Variants in OCA2 observed in about 807,000 individuals in gnomAD.
The protein encoded by OCA2 is P protein.
OCA2 carries 77 observed loss-of-function variants against 100.2 expected under a neutral mutation model. The ratio of observed to expected loss-of-function variants is 0.77; its 90% confidence interval spans 0.64 to 0.93. The LOEUF is 0.93. OCA2 is among the 40% of genes least tolerant of loss of function. The pLI is 0.00. For synonymous variants in OCA2, 432 were observed against 439.2 expected (o/e 0.98, Z 0.21); for missense variants, 1,062 against 1,089.1 (o/e 0.98, Z 0.35).
the OCA2 span, among the ~76,000 whole-genome samples, chr15:27,742,073 CT>C: frequency 6.6e-6 from 1 of 152,216 alleles, no homozygotes; most frequent in Non-Finnish European, 1.5e-5. Context: ...ACTGTGGCAG[CT>C]ATGCCTTTGC....
intron 19 of OCA2, among the ~76,000 whole-genome samples, chr15:27,891,479 C>T (rs2037459531): frequency 1.3e-5 from 2 of 152,146 alleles, no homozygotes; most frequent in Non-Finnish European, 2.9e-5. Flanking sequence ...TCTGTGGATA[C>T]CAAACTCCAT....
chr15:27,806,143 G>A (rs1297891350), intron 23 of OCA2, among the ~76,000 whole-genome samples: 1 of 152,180 alleles, frequency 6.6e-6, no homozygotes, highest in Non-Finnish European at 1.5e-5. Flanking sequence ...GAAGGCGAGG[G>A]CTCTGATGCT....
At position 28,027,771 on chromosome 15, in the gene OCA2, T is replaced by C; in HGVS notation, c.515+100A>G. On this transcript the variant is annotated intron_variant, in intron 4 of 23. Coordinates refer to ENST00000354638, the MANE Select transcript of OCA2 (RefSeq NM_000275.3). The stretch of plus-strand genomic sequence containing the variant: ...GCCTGGCCAGATGAGACAAAACTCA[T>C]CCTCTTCTTCACGCTGCTGGTTTGA... 7 of 1,262,328 alleles carry C rather than the reference T, an allele frequency of 5.5e-6. No individual in the cohort carries two copies. The South Asian group carries it at 7.4e-5, about 13-fold the overall frequency. 78.2% of individuals were successfully genotyped at this position (1,262,328 alleles called of 1,614,324 possible).
chr15:27,840,033 A>G (rs2035289304), intron 23 of OCA2, among the ~76,000 whole-genome samples: 1 of 152,196 alleles, frequency 6.6e-6, no homozygotes, highest in Non-Finnish European at 1.5e-5. Flanking sequence ...AATAATGACA[A>G]TGGAAGCATT....
chr15:27,764,127 GGAGAGGGATCA>G (rs1595369121), intron 23 of OCA2, among the ~76,000 whole-genome samples: 2 of 151,716 alleles, frequency 1.3e-5, no homozygotes, highest in East Asian at 3.9e-4. Flanking sequence ...AAGGAAAAAG[GGAGAGGGATCA>G]GAGAGGGATA....
At chr15:28,067,374 C>A (rs2044057517) in intron 2 of OCA2, among the ~76,000 whole-genome samples, 1 of 151,580 alleles carries the variant, frequency 6.6e-6, no homozygotes, top group Non-Finnish European at 1.5e-5. Context: ...AAGTTCTTCT[C>A]TAATTATTTC....
chr15:27,773,251 T>G (rs530185549), intron 23 of OCA2, among the ~76,000 whole-genome samples: 157 of 152,130 alleles, frequency 1.0e-3, no homozygotes, highest in Non-Finnish European at 2.0e-3. Flanking sequence ...AGGTTTTGAG[T>G]TTTTTATTCC....
intron 6 of OCA2, among the ~76,000 whole-genome samples, chr15:28,020,506 C>A (rs949280176): frequency 3.3e-5 from 5 of 152,084 alleles, no homozygotes; most frequent in African/African-American, 4.8e-5. Flanking sequence ...CTTCCCCCTG[C>A]GGGAAAGTCC....
At chr15:28,012,868 A>C (rs2042281935) in intron 9 of OCA2, among the ~76,000 whole-genome samples, 1 of 152,254 alleles carries the variant, frequency 6.6e-6, no homozygotes, top group Non-Finnish European at 1.5e-5. Flanking sequence ...ATTGCAAAAT[A>C]ATAGTAAAAA....
intron 19 of OCA2, among the ~76,000 whole-genome samples, chr15:27,886,144 G>A (rs542270501): frequency 3.1e-4 from 47 of 152,286 alleles, no homozygotes; most frequent in African/African-American, 8.4e-4. Context: ...GAAGGCCACC[G>A]TGTCTGGGGT....
intron 21 of OCA2, among the ~76,000 whole-genome samples, chr15:27,857,366 G>C (rs1012879041): frequency 1.3e-5 from 2 of 152,164 alleles, no homozygotes; most frequent in African/African-American, 4.8e-5. Context: ...AAATTCATAA[G>C]AGACAGAAAG....
At chr15:27,781,677 A>C (rs1418585867) in intron 23 of OCA2, among the ~76,000 whole-genome samples, 1 of 152,228 alleles carries the variant, frequency 6.6e-6, no homozygotes, top group Non-Finnish European at 1.5e-5. Flanking sequence ...ACTGTCTAAT[A>C]TGCTATTTAC....
intron 2 of OCA2, among the ~76,000 whole-genome samples, chr15:28,065,776 T>C (rs1182308218): frequency 6.6e-6 from 1 of 152,194 alleles, no homozygotes; most frequent in East Asian, 1.9e-4. Flanking sequence ...TCTCTACTTA[T>C]CTAAATCTTC....
At chr15:27,821,481 T>C (rs2034499238) in intron 23 of OCA2, among the ~76,000 whole-genome samples, 1 of 151,970 alleles carries the variant, frequency 6.6e-6, no homozygotes, top group Non-Finnish European at 1.5e-5. Flanking sequence ...ACTATGCATA[T>C]GCACGCACAC....
chr15:28,062,199 T>C (rs2043893268), intron 2 of OCA2, among the ~76,000 whole-genome samples: 1 of 152,202 alleles, frequency 6.6e-6, no homozygotes, highest in Admixed American at 6.5e-5. Context: ...TGCATGAGAG[T>C]TCCAATTTCT....
chr15:27,818,404 TAATA>T (rs1480760386), intron 23 of OCA2, among the ~76,000 whole-genome samples: 3 of 152,086 alleles, frequency 2.0e-5, no homozygotes, highest in African/African-American at 4.8e-5. Context: ...ATAAATAAAT[TAATA>T]AATTACATTA....
chr15:28,009,236 A>C lies in OCA2; in HGVS notation c.1044+5540T>G, dbSNP rs376530326. Among the ~76,000 whole-genome samples, 51 of 152,354 alleles carry C rather than the reference A, an allele frequency of 3.3e-4. No individual in the cohort carries two copies. The East Asian group carries it at 4.4e-3, about 13-fold the overall frequency. On this transcript the variant is annotated intron_variant, in intron 9 of 23. Transcript: ENST00000354638. The stretch of plus-strand genomic sequence containing the variant: ...TCCACATCAAGTTACAGACACAACA[A>C]AAGGTCAGTGTTGGGTTTTCACAAG...
intron 23 of OCA2, among the ~76,000 whole-genome samples, chr15:27,782,694 G>A (rs1050964460): frequency 6.6e-6 from 1 of 152,194 alleles, no homozygotes; most frequent in Non-Finnish European, 1.5e-5. Context: ...GTGCTAATGC[G>A]ACATCTTTCT....
At chr15:27,985,833 C>T (rs2041335995) in intron 12 of OCA2, among the ~76,000 whole-genome samples, 1 of 151,878 alleles carries the variant, frequency 6.6e-6, no homozygotes, top group Non-Finnish European at 1.5e-5. Context: ...GCTGGGATTA[C>T]AGGCGTGTGC....
Sources: allele counts gnomAD v4.1 joint callset (sites outside exome capture counted in the v4.1 genomes callset), GRCh38; gene constraint gnomAD v4.1.1; transcripts MANE v1.5; gene names NCBI Gene and HGNC (gene_info 2026-07-23, HGNC 2026-07-21).